NCKAP5: variants seen among roughly 807,000 people sequenced by gnomAD.
NCKAP5 encodes the protein nck-associated protein 5.
A neutral mutation model predicts 167.0 loss-of-function variants in NCKAP5; 92 were observed. The observed-to-expected ratio is 0.55, with a 90% CI of 0.47 to 0.66. NCKAP5 has a LOEUF of 0.66. NCKAP5 is among the 30% of genes least tolerant of loss of function. NCKAP5 has a pLI of 0.00. For missense variants in NCKAP5, 2,378 were observed against 2,315.0 expected, an observed-to-expected ratio of 1.03 and a Z score of -0.56; for synonymous variants, 891 against 877.4, an observed-to-expected ratio of 1.02 and a Z score of -0.27.
chr2:133,033,990 A>AATGTATC (rs2078964300), intron 6 of NCKAP5, among the ~76,000 whole-genome samples: 1 of 152,156 alleles, frequency 6.6e-6, no homozygotes. Flanking sequence ...AACCTAAAGA[A>AATGTATC]ATGTATCAGT....
chr2:133,514,248 G>A (rs780941588), intron 3 of NCKAP5, among the ~76,000 whole-genome samples: 12 of 152,002 alleles, frequency 7.9e-5, no homozygotes, highest in Non-Finnish European at 1.5e-4. Context: ...TTTCACTTAC[G>A]TATCACTTTC....
chr2:132,867,094 C>A (rs2148748586), intron 10 of NCKAP5, among the ~76,000 whole-genome samples: 1 of 150,192 alleles, frequency 6.7e-6, no homozygotes, highest in East Asian at 2.0e-4. Flanking sequence ...TATCTGTTTA[C>A]TAGTTATTAC....
chr2:133,146,601 C>A (rs1280186008), intron 5 of NCKAP5, among the ~76,000 whole-genome samples: 1 of 152,064 alleles, frequency 6.6e-6, no homozygotes, highest in Non-Finnish European at 1.5e-5. Context: ...CAGTGAGAAT[C>A]CATGGTGAAT....
intron 4 of NCKAP5, among the ~76,000 whole-genome samples, chr2:133,235,636 G>A (rs1021593651): frequency 6.6e-6 from 1 of 152,090 alleles, no homozygotes; most frequent in African/African-American, 2.4e-5. Flanking sequence ...GGGCACAGTG[G>A]CTCATGCCTG....
chr2:133,059,817 T>G (rs765711847), intron 6 of NCKAP5, among the ~76,000 whole-genome samples: 11 of 152,156 alleles, frequency 7.2e-5, no homozygotes, highest in Non-Finnish European at 1.2e-4. Context: ...TTCACATTAC[T>G]TGGTTTACTA....
At chr2:132,820,462 T>G (rs1425198296) in intron 11 of NCKAP5, among the ~76,000 whole-genome samples, 1 of 152,156 alleles carries the variant, frequency 6.6e-6, no homozygotes, top group Admixed American at 6.5e-5. Flanking sequence ...TCTCCTGAAC[T>G]TGTGATCTGC....
intron 19 of NCKAP5, among the ~76,000 whole-genome samples, chr2:132,695,211 CT>C (rs1425241931): frequency 1.2e-4 from 18 of 151,942 alleles, no homozygotes; most frequent in African/African-American, 4.4e-4. Context: ...ACATTCAATC[CT>C]GAATAAAGTT....
intron 8 of NCKAP5, among the ~76,000 whole-genome samples, chr2:132,924,303 A>G (rs1002132365): frequency 1.2e-4 from 19 of 152,182 alleles, no homozygotes; most frequent in African/African-American, 4.6e-4. Flanking sequence ...GGGCCCATAA[A>G]ATAGTTTCAG....
chr2:133,637,798 G>C, the NCKAP5 span, among the ~76,000 whole-genome samples: 1 of 152,002 alleles, frequency 6.6e-6, no homozygotes, highest in Non-Finnish European at 1.5e-5. Flanking sequence ...GTTCTAGAAG[G>C]CACAATATTT....
intron 6 of NCKAP5, among the ~76,000 whole-genome samples, chr2:132,994,833 T>A (rs370940538): frequency 2.0e-5 from 3 of 152,332 alleles, no homozygotes; most frequent in African/African-American, 2.4e-5. Context: ...TGGGATAGCC[T>A]ACTACACAAC....
intron 8 of NCKAP5, among the ~76,000 whole-genome samples, chr2:132,918,581 G>C (rs1695066374): frequency 6.6e-6 from 1 of 152,056 alleles, no homozygotes; most frequent in African/African-American, 2.4e-5. Context: ...TTATAATGAT[G>C]ATGACATTAC....
chr2:133,213,825 AG>A, intron 4 of NCKAP5, 46 bp from the exon 5 acceptor site: 1 of 1,587,420 alleles, frequency 6.3e-7, no homozygotes, highest in Non-Finnish European at 8.6e-7. Flanking sequence ...CTCAGGGTAG[AG>A]GTGACACTGG....
At chr2:132,761,678 C>T (rs1181055091) in intron 16 of NCKAP5, among the ~76,000 whole-genome samples, 1 of 152,200 alleles carries the variant, frequency 6.6e-6, no homozygotes, top group Non-Finnish European at 1.5e-5. Flanking sequence ...ACTGAGCCCA[C>T]ATTTAAACAT....
chr2:133,223,047 A>G (rs1421838135), intron 4 of NCKAP5, among the ~76,000 whole-genome samples: 1 of 152,108 alleles, frequency 6.6e-6, no homozygotes, highest in African/African-American at 2.4e-5. Flanking sequence ...AAATACTATA[A>G]ATCCACATTT....
intron 8 of NCKAP5, chr2:132,929,876 C>A (rs1410410531): frequency 6.6e-6 from 1 of 152,168 alleles, no homozygotes; most frequent in Admixed American, 6.5e-5. Context: ...TTGTATATTT[C>A]AGATTAGGGT....
At chr2:133,157,941 G>C (rs915440706) in intron 5 of NCKAP5, among the ~76,000 whole-genome samples, 2 of 152,148 alleles carry the variant, frequency 1.3e-5, no homozygotes, top group Non-Finnish European at 2.9e-5. Flanking sequence ...AGGTCCACTA[G>C]TTAATTCTCT....
chr2:132,689,636 T>C (rs868078708), intron 19 of NCKAP5, among the ~76,000 whole-genome samples: 1 of 152,296 alleles, frequency 6.6e-6, no homozygotes. Context: ...CAGGCATTGC[T>C]TATCAGTCTC....
At chr2:132,755,367 A>G (rs753812217) in intron 16 of NCKAP5, among the ~76,000 whole-genome samples, 2 of 152,194 alleles carry the variant, frequency 1.3e-5, no homozygotes, top group Non-Finnish European at 2.9e-5. Context: ...ATGGCCAGGA[A>G]CTTTTAAGAC....
At chr2:133,098,222 C>G (rs1197607396) in intron 6 of NCKAP5, among the ~76,000 whole-genome samples, 1 of 152,182 alleles carries the variant, frequency 6.6e-6, no homozygotes, top group Non-Finnish European at 1.5e-5. Context: ...ACACATCAAT[C>G]TAAAGTTTCT....
Sources: allele counts gnomAD v4.1 joint callset (sites outside exome capture counted in the v4.1 genomes callset), GRCh38; gene constraint gnomAD v4.1.1; transcripts MANE v1.5; gene names NCBI Gene and HGNC (gene_info 2026-07-23, HGNC 2026-07-21).